CUL5: variants seen among roughly 807,000 people sequenced by gnomAD.
CUL5 encodes the protein cullin-5.
Under a neutral mutation model 108.8 loss-of-function variants are expected in CUL5, and 26 were observed. The observed-to-expected ratio is 0.24, with a 90% CI of 0.18 to 0.33. The LOEUF (loss-of-function observed/expected upper bound fraction) is 0.33, where lower values mean the gene tolerates loss of function less well. Among genes scored for constraint, CUL5 ranks in the 10% least tolerant of loss-of-function variants. CUL5 has a pLI of 1.00. For missense variants in CUL5, 524 were observed against 909.2 expected (o/e 0.58, Z 5.45); for synonymous variants, 334 against 298.0 (o/e 1.12, Z -1.25).
At chr11:108,063,695 G>A (rs1863605872) in intron 7 of CUL5, among the ~76,000 whole-genome samples, 1 of 151,752 alleles carries the variant, frequency 6.6e-6, no homozygotes, top group African/African-American at 2.4e-5. Context: ...AAACGTGGAA[G>A]TGCATCTATC....
intron 1 of CUL5, among the ~76,000 whole-genome samples, chr11:108,016,776 C>G (rs1180267679): frequency 6.6e-6 from 1 of 151,876 alleles, no homozygotes; most frequent in African/African-American, 2.4e-5. Flanking sequence ...GCCTGGGCAA[C>G]CCCATTTGTA....
chr11:108,097,093 C>T (rs1049029570), intron 16 of CUL5, among the ~76,000 whole-genome samples: 16 of 152,200 alleles, frequency 1.1e-4, no homozygotes, highest in Non-Finnish European at 2.1e-4. Flanking sequence ...TCTCAGCTCA[C>T]TGCAACCTCC....
intron 1 of CUL5, among the ~76,000 whole-genome samples, chr11:108,010,096 G>T (rs1389012777): frequency 6.6e-6 from 1 of 152,242 alleles, no homozygotes; most frequent in Non-Finnish European, 1.5e-5. Flanking sequence ...GGCCCACAGG[G>T]GCAGATTCTC....
At chr11:108,096,600 C>G (rs1241159333) in intron 16 of CUL5, among the ~76,000 whole-genome samples, 1 of 97,642 alleles carries the variant, frequency 1.0e-5, no homozygotes, top group Admixed American at 1.7e-4. Context: ...TTGAGACACT[C>G]TTGTCGCTCA....
chr11:108,055,296 A>G (rs1863345055), intron 7 of CUL5, among the ~76,000 whole-genome samples: 1 of 152,170 alleles, frequency 6.6e-6, no homozygotes, highest in African/African-American at 2.4e-5. Context: ...ATGCTCCCTT[A>G]GGGATACAGT....
intron 4 of CUL5, 67 bp downstream of exon 4, chr11:108,050,133 A>C: frequency 2.9e-6 from 4 of 1,388,798 alleles, no homozygotes; most frequent in Non-Finnish European, 2.9e-6. Context: ...AAGCATTTGA[A>C]AGTAATTTGA....
chr11:108,068,670 T>C (rs1248523472), intron 7 of CUL5, among the ~76,000 whole-genome samples: 3 of 152,206 alleles, frequency 2.0e-5, no homozygotes, highest in Non-Finnish European at 4.4e-5. Context: ...ATATCAGCCT[T>C]ATTGTACTTA....
Position 108,009,208 on chromosome 11 carries a change from G to A in CUL5, c.-141G>A, listed in dbSNP as rs765669621. On this transcript the variant is annotated 5_prime_UTR_variant, in exon 1 of 19. Coordinates refer to ENST00000393094, the MANE Select transcript of CUL5 (RefSeq NM_003478.6). ...GCTTGGGACGAGGTCAGCGCTGTCG[G>A]CGCGCTGCTCCAGCGCCCACCACAC... The A allele has an allele frequency of 7.6e-4, 615 of 804,390 alleles. 10 individuals are homozygous for A. The highest frequency in any genetic ancestry group is 2.0e-4 in the Non-Finnish European group (98 of 492,076). The allele number at this position is 804,390 out of a possible 1,614,324, so 49.8% of individuals were successfully genotyped here. A position where few individuals can be genotyped will look rare whatever the true frequency, so the allele number is the denominator to read the frequency against.
chr11:108,080,953 ATT>A (rs1864065280), intron 11 of CUL5, among the ~76,000 whole-genome samples: 1 of 148,728 alleles, frequency 6.7e-6, no homozygotes, highest in Non-Finnish European at 1.5e-5. Context: ...AAGATTTATC[ATT>A]ATTTATTTAT....
intron 18 of CUL5, among the ~76,000 whole-genome samples, chr11:108,103,089 C>T (rs377116209): frequency 3.9e-5 from 6 of 152,178 alleles, no homozygotes; most frequent in Non-Finnish European, 5.9e-5. Flanking sequence ...AGCCACCACA[C>T]CCGGCATATA....
rs1032007493 is a variant in CUL5, at chr11:108,107,001, A to G, written c.*2617A>G. On this transcript the variant is annotated 3_prime_UTR_variant, in exon 19 of 19. Transcript: ENST00000393094. ...CATCTCGTTGCCGGAGTAAGTAGACATAAGACAGAGTTTAAGAAGTAAAAA... is the reference window on the plus strand; with the variant it reads ...CATCTCGTTGCCGGAGTAAGTAGACGTAAGACAGAGTTTAAGAAGTAAAAA... The G allele has an allele frequency of 6.6e-6, 1 of 150,376 alleles. No homozygotes were observed. The highest frequency in any genetic ancestry group is 1.5e-5 in the Non-Finnish European group (1 of 67,680). The allele number at this position is 150,376 out of a possible 1,614,324, so 9.3% of individuals were successfully genotyped here. A position where few individuals can be genotyped will look rare whatever the true frequency, so the allele number is the denominator to read the frequency against.
intron 7 of CUL5, among the ~76,000 whole-genome samples, chr11:108,057,363 T>A (rs186658549): frequency 2.6e-5 from 4 of 152,230 alleles, no homozygotes; most frequent in Non-Finnish European, 1.5e-5. Flanking sequence ...ATAGGATATT[T>A]GCATAGTTTC....
chr11:108,062,960 C>G (rs1222573264), intron 7 of CUL5, among the ~76,000 whole-genome samples: 5 of 152,124 alleles, frequency 3.3e-5, no homozygotes, highest in African/African-American at 1.2e-4. Flanking sequence ...ATTCTTCTGC[C>G]TCAGCCTCCC....
intron 5 of CUL5, among the ~76,000 whole-genome samples, chr11:108,053,417 G>C (rs766568218): frequency 2.0e-4 from 31 of 152,172 alleles, no homozygotes; most frequent in Non-Finnish European, 4.0e-4. Flanking sequence ...TGAACCTATA[G>C]AGTTACTTTT....
chr11:108,009,275 C>G lies in CUL5; in HGVS notation c.-74C>G. ...GGGCCCTGGGCCCTGGTGGGAGCTC[C>G]GGCCTCCGGTCAAGGCCTGGCCGGG... is the stretch of plus-strand genomic sequence containing the variant. On this transcript the variant is annotated 5_prime_UTR_variant, in exon 1 of 19. Transcript: ENST00000393094. 1 of 1,565,136 alleles carries G rather than the reference C, an allele frequency of 6.4e-7. No homozygotes were observed. Among genetic ancestry groups the G allele is most frequent in the Non-Finnish European group, 8.8e-7 (1 of 1,139,952 alleles).
chr11:108,056,829 G>GT (rs1036502728), intron 7 of CUL5, among the ~76,000 whole-genome samples: 1 of 152,168 alleles, frequency 6.6e-6, no homozygotes, highest in Non-Finnish European at 1.5e-5. Context: ...CTTCTTAGAG[G>GT]TGGAACATTG....
At chr11:108,103,155 G>T (rs910436307) in intron 18 of CUL5, among the ~76,000 whole-genome samples, 1 of 152,128 alleles carries the variant, frequency 6.6e-6, no homozygotes. Context: ...AAAGAGAAAA[G>T]AATATTTAAT....
intron 13 of CUL5, among the ~76,000 whole-genome samples, chr11:108,093,786 T>C (rs1864417030): frequency 6.6e-6 from 1 of 152,210 alleles, no homozygotes; most frequent in South Asian, 2.1e-4. Context: ...GAGCTTAAAC[T>C]CCTGGGCTCA....
intron 7 of CUL5, 72 bp downstream of exon 7, chr11:108,055,027 A>G (rs1863338357): frequency 9.6e-7 from 1 of 1,041,034 alleles, no homozygotes; most frequent in Non-Finnish European, 1.4e-6. Flanking sequence ...GCAAATAAAC[A>G]ACATAAATAA....
Sources: gnomAD v4.1 joint callset for allele counts (sites outside exome capture counted in the v4.1 genomes callset) on GRCh38, gnomAD v4.1.1 for gene constraint, MANE v1.5 for transcripts, NCBI Gene and HGNC (gene_info 2026-07-23, HGNC 2026-07-21) for gene names.